Variants in AMPH observed in about 807,000 individuals in gnomAD.
The protein encoded by AMPH is amphiphysin (Stiff-Mann syndrome with breast cancer 128kD autoantigen).
AMPH carries 49 observed loss-of-function variants against 99.1 expected under a neutral mutation model. The observed-to-expected ratio is 0.49, with a 90% CI of 0.39 to 0.63. AMPH has a LOEUF of 0.63. Among genes scored for constraint, AMPH ranks in the 20% least tolerant of loss-of-function variants. The pLI is 0.00. For synonymous variants in AMPH, 314 were observed against 317.3 expected (o/e 0.99, Z 0.11); for missense variants, 759 against 863.4 (o/e 0.88, Z 1.52).
intron 7 of AMPH, among the ~76,000 whole-genome samples, chr7:38,467,847 C>T (rs1304907047): frequency 1.3e-5 from 2 of 152,088 alleles, no homozygotes; most frequent in African/African-American, 4.8e-5. Context: ...GGCCCTGTGA[C>T]AGCTGCAAAC....
intron 11 of AMPH, among the ~76,000 whole-genome samples, chr7:38,444,955 T>C (rs1168392690): frequency 6.7e-6 from 1 of 148,456 alleles, no homozygotes; most frequent in Non-Finnish European, 1.5e-5. Flanking sequence ...GATCAATGGA[T>C]AATCACATGG....
At chr7:38,493,816 C>G (rs1241743398) in intron 4 of AMPH, among the ~76,000 whole-genome samples, 2 of 152,144 alleles carry the variant, frequency 1.3e-5, no homozygotes, top group African/African-American at 4.8e-5. Context: ...GTTGGGACAA[C>G]ACAAATCACA....
At chr7:38,610,761 T>C (rs1270012969) in intron 1 of AMPH, among the ~76,000 whole-genome samples, 1 of 151,744 alleles carries the variant, frequency 6.6e-6, no homozygotes, top group Non-Finnish European at 1.5e-5. Flanking sequence ...TATAAATAAA[T>C]AAAAAGGAAT....
intron 8 of AMPH, 76 bp downstream of exon 8, chr7:38,466,097 T>C: frequency 8.7e-7 from 1 of 1,152,868 alleles, no homozygotes; most frequent in Non-Finnish European, 1.3e-6. Context: ...GATAATTCTA[T>C]CCCATTTCAT....
At chr7:38,429,699 G>A (rs1785929835) in intron 14 of AMPH, 143 bp downstream of exon 14, 1 of 1,275,318 alleles carries the variant, frequency 7.8e-7, no homozygotes, top group South Asian at 1.4e-5. Context: ...AACCAAACTG[G>A]AAAGTGATTA....
chr7:38,445,369 C>A (rs1786734396), intron 11 of AMPH, among the ~76,000 whole-genome samples: 1 of 151,946 alleles, frequency 6.6e-6, no homozygotes, highest in South Asian at 2.1e-4. Flanking sequence ...TAGGCAAAGA[C>A]CTTTTAGATG....
At chr7:38,543,429 A>G (rs1446470398) in intron 1 of AMPH, among the ~76,000 whole-genome samples, 9 of 152,216 alleles carry the variant, frequency 5.9e-5, no homozygotes, top group Admixed American at 5.9e-4. Context: ...CAGATGAAGC[A>G]GATAGATAGA....
chr7:38,492,732 T>A (rs779109255), intron 4 of AMPH, among the ~76,000 whole-genome samples: 2 of 152,172 alleles, frequency 1.3e-5, no homozygotes, highest in African/African-American at 2.4e-5. Flanking sequence ...AGAACCAAGG[T>A]AGGATAACAG....
In AMPH at chr7:38,436,371, C is replaced by G; in HGVS notation, c.1035G>C (p.Val345=). 10 of 1,614,090 alleles carry G rather than the reference C, an allele frequency of 6.2e-6. No individual in the cohort carries two copies. The highest frequency in any genetic ancestry group is 7.6e-6 in the Non-Finnish European group (9 of 1,179,938). ...GATCCAGCAAAGTCTCCTCTTTCTT[C>G]ACCTCAGGGACTTCATTCTGTTAAA... ...TTPSQNEVPE[V]KKEETLLDLD... Residue 345 remains valine (V), a synonymous_variant, in exon 12 of 21, where the codon GTG becomes GTC. Transcript: ENST00000356264.
At chr7:38,552,877 A>T (rs17171399) in intron 1 of AMPH, among the ~76,000 whole-genome samples, 8,000 of 152,220 alleles carry the variant, frequency 0.053, 475 homozygotes, top group East Asian at 0.28. Flanking sequence ...TATCTGTGAA[A>T]TACATGTGCA....
chr7:38,468,639 T>G (rs1162456666), intron 7 of AMPH, among the ~76,000 whole-genome samples: 1 of 152,218 alleles, frequency 6.6e-6, no homozygotes, highest in Non-Finnish European at 1.5e-5. Context: ...TGATAGTGAT[T>G]TTCTCCAATT....
chr7:38,489,409 G>T (rs55886441), intron 5 of AMPH, among the ~76,000 whole-genome samples: 9 of 151,988 alleles, frequency 5.9e-5, no homozygotes, highest in South Asian at 2.1e-4. Flanking sequence ...AAAGTTGAGG[G>T]GGGGGGAAGC....
intron 1 of AMPH, among the ~76,000 whole-genome samples, chr7:38,608,272 T>G (rs1244987324): frequency 1.3e-5 from 2 of 152,202 alleles, no homozygotes; most frequent in African/African-American, 4.8e-5. Context: ...CTTTCCCAGG[T>G]GCAGCTTCAC....
chr7:38,630,691 C>T lies in AMPH; in HGVS notation c.69+592G>A, dbSNP rs142017387. Among the ~76,000 whole-genome samples, 152 of 152,326 alleles carry T rather than the reference C, an allele frequency of 1.0e-3. 1 individual carries two copies. The highest frequency in any genetic ancestry group is 3.5e-3 in the African/African-American group (145 of 41,580). On this transcript the variant is annotated intron_variant, in intron 1 of 20. Coordinates refer to ENST00000356264, the MANE Select transcript of AMPH (RefSeq NM_001635.4). ...TATATCTAGATCTCTGTTTTGAACT[C>T]CAGAACTCACCAGACAGCACTGTGT...
intron 11 of AMPH, among the ~76,000 whole-genome samples, chr7:38,447,183 T>A (rs2276538): frequency 6.6e-6 from 1 of 151,980 alleles, no homozygotes; most frequent in African/African-American, 2.4e-5. Context: ...CCATGCCCAG[T>A]CAATTTTGTA....
At chr7:38,430,531 C>A (rs1032200872) in intron 13 of AMPH, among the ~76,000 whole-genome samples, 6 of 152,168 alleles carry the variant, frequency 3.9e-5, no homozygotes, top group African/African-American at 1.2e-4. Flanking sequence ...CGTTCAAAAG[C>A]TCTTTTTAGA....
At chr7:38,613,041 T>G (rs1348778771) in intron 1 of AMPH, among the ~76,000 whole-genome samples, 1 of 152,132 alleles carries the variant, frequency 6.6e-6, no homozygotes, top group Non-Finnish European at 1.5e-5. Context: ...TGACTCTAAC[T>G]GCAACCTTAA....
At chr7:38,475,784 A>C (rs1245502035) in intron 6 of AMPH, among the ~76,000 whole-genome samples, 1 of 152,218 alleles carries the variant, frequency 6.6e-6, no homozygotes, top group East Asian at 1.9e-4. Context: ...TGTATTTACA[A>C]AAGGGACTTA....
At chr7:38,511,940 T>C (rs1441414719) in intron 2 of AMPH, among the ~76,000 whole-genome samples, 1 of 152,218 alleles carries the variant, frequency 6.6e-6, no homozygotes, top group African/African-American at 2.4e-5. Flanking sequence ...GTTAACATCA[T>C]AGAACGACTC....
Sources: allele counts gnomAD v4.1 joint callset (sites outside exome capture counted in the v4.1 genomes callset), GRCh38; gene constraint gnomAD v4.1.1; transcripts MANE v1.5; gene names NCBI Gene and HGNC (gene_info 2026-07-23, HGNC 2026-07-21).